The following TAF2 variants were observed in gnomAD, a reference collection of about 807,000 sequenced individuals.
TAF2 encodes transcription initiation factor TFIID subunit 2.
In TAF2, 61 loss-of-function variants were observed where a neutral mutation model predicts 138.5. The ratio of observed to expected loss-of-function variants is 0.44; its 90% CI spans 0.36 to 0.54. The LOEUF (loss-of-function observed/expected upper bound fraction) is 0.54. TAF2 is among the 20% of genes least tolerant of loss of function. The probability of loss-of-function intolerance (pLI) is 0.00; values close to 1 mark genes in which losing one functional copy is unlikely to be tolerated. For synonymous variants in TAF2, 475 were observed against 469.9 expected (o/e 1.01, Z -0.14); for missense variants, 1,090 against 1,427.9 (o/e 0.76, Z 3.81).
chr8:119,781,096 T>C lies in TAF2; in HGVS notation c.2210A>G (p.Lys737Arg). 5 of 1,613,994 alleles carry C rather than the reference T, an allele frequency of 3.1e-6. No homozygotes were observed. In the South Asian group the frequency reaches 3.3e-5, roughly 11 times the overall value. ...FCCKSCPNIVKTNNFMSFQSY... is the reference protein window; with the variant it reads ...FCCKSCPNIVRTNNFMSFQSY... ...TTGAAAGCTCATAAAGTTGTTTGTT[T>C]TCACAATGTTTGGACAACTTTTACA... The change falls in exon 17 of 26, where the codon AAA (lysine) becomes AGA (arginine). Residue 737 changes from lysine (K) to arginine (R), a missense_variant. Transcript: ENST00000378164.
At chr8:119,825,282 G>C (rs576383267) in intron 2 of TAF2, among the ~76,000 whole-genome samples, 33 of 152,278 alleles carry the variant, frequency 2.2e-4, no homozygotes, top group African/African-American at 7.2e-4. Context: ...CCTTTGTTTT[G>C]GCTAATTTCT....
rs539672539 is a variant in TAF2, at chr8:119,756,081, G to A, written c.2803C>T (p.Pro935Ser). ...KILNMLTKNPPFTKNMESPLC... is the reference protein window; with the variant it reads ...KILNMLTKNPSFTKNMESPLC... ...GGAGACTCCATGTTCTTAGTAAATG[G>A]TGGGTTCTTAGTCAACATGTTGAGA... Residue 935 changes from proline (P) to serine (S), a missense_variant, in exon 22 of 26, where the codon CCA becomes TCA. By Grantham distance (74) the Pro-to-Ser change is moderately conservative. Around this residue, in one of 3 missense-constraint regions of TAF2, gnomAD observed 580 missense variants for 719.6 expected, o/e 0.81. Transcript: ENST00000378164. 5.0e-6 allele frequency: 8 copies of A among 1,613,582 alleles called. No homozygotes were observed. The African/African-American group carries it at 9.3e-5, about 19-fold the overall frequency.
intron 10 of TAF2, among the ~76,000 whole-genome samples, chr8:119,792,081 GGTGA>G (rs939970910): frequency 6.6e-6 from 1 of 151,488 alleles, no homozygotes; most frequent in African/African-American, 2.4e-5. Flanking sequence ...ATAATGCTAT[GGTGA>G]GTATCTTTTT....
At chr8:119,778,924 T>C (rs1303124153) in intron 17 of TAF2, among the ~76,000 whole-genome samples, 3 of 152,140 alleles carry the variant, frequency 2.0e-5, no homozygotes, top group South Asian at 2.1e-4. Flanking sequence ...CCCCTCTTCT[T>C]ACTCAAAATA....
At chr8:119,735,802 G>T (rs909361570) in intron 25 of TAF2, among the ~76,000 whole-genome samples, 1 of 152,164 alleles carries the variant, frequency 6.6e-6, no homozygotes, top group Non-Finnish European at 1.5e-5. Flanking sequence ...TAAATTGCTT[G>T]AATATGTTCC....
intron 18 of TAF2, among the ~76,000 whole-genome samples, chr8:119,766,604 A>C (rs914379849): frequency 2.6e-5 from 4 of 152,152 alleles, no homozygotes; most frequent in Non-Finnish European, 5.9e-5. Context: ...AGCCTGGCCA[A>C]AACAGTGAAA....
intron 23 of TAF2, chr8:119,744,668 G>A (rs1436793057): frequency 1.5e-5 from 7 of 463,628 alleles, no homozygotes; most frequent in South Asian, 4.3e-5. Flanking sequence ...GTGGTGGAAC[G>A]TGCACACATA....
chr8:119,737,652 G>A (rs1262307891), intron 25 of TAF2, among the ~76,000 whole-genome samples: 6 of 151,864 alleles, frequency 4.0e-5, no homozygotes, highest in African/African-American at 9.7e-5. Flanking sequence ...AGGATTACAG[G>A]TGCGTACCAC....
intron 3 of TAF2, among the ~76,000 whole-genome samples, chr8:119,812,799 T>C (rs935847684): frequency 0.08 from 8 of 100 alleles, no homozygotes; most frequent in Non-Finnish European, 0.12. Flanking sequence ...TATACACACA[T>C]GTATACATAC....
chr8:119,790,353 T>A (rs1055392452), intron 11 of TAF2, among the ~76,000 whole-genome samples: 3 of 151,806 alleles, frequency 2.0e-5, no homozygotes, highest in African/African-American at 7.3e-5. Context: ...GATGAGAGGA[T>A]CCCTTGAGCC....
intron 3 of TAF2, 119 bp downstream of exon 3, chr8:119,819,227 T>A: frequency 9.8e-7 from 1 of 1,018,964 alleles, no homozygotes; most frequent in Non-Finnish European, 1.5e-6. Flanking sequence ...AGATAAAGAT[T>A]GGGATTCAAA....
chr8:119,801,958 C>G lies in TAF2; in HGVS notation c.628G>C (p.Ala210Pro). Residue 210 changes from alanine (A) to proline (P), a missense_variant, in exon 6 of 26, where the codon GCT (alanine) becomes CCT (proline). Around this residue, in one of 3 missense-constraint regions of TAF2, gnomAD observed 504 missense variants for 680.9 expected, o/e 0.74. Coordinates refer to ENST00000378164, the MANE Select transcript of TAF2 (RefSeq NM_003184.4). ...CCATTAGAAACAGCAACCATTGCAG[C>G]ATCTACTGTAAATTCTAATTTCCAT... ...CTWKLEFTVD[A>P]AMVAVSNGDL... The G allele has an allele frequency of 1.9e-6, 3 of 1,614,162 alleles. No homozygotes were observed. Among genetic ancestry groups the G allele is most frequent in the Non-Finnish European group, 2.5e-6 (3 of 1,180,030 alleles).
intron 2 of TAF2, among the ~76,000 whole-genome samples, chr8:119,825,054 G>A (rs1030928869): frequency 9.2e-5 from 14 of 152,230 alleles, no homozygotes; most frequent in African/African-American, 2.9e-4. Flanking sequence ...AACATGCACC[G>A]TGCACCTGGA....
At chr8:119,781,221 T>G (rs1275959007) in intron 16 of TAF2, 28 bp from the exon 17 acceptor site, 2 of 1,613,336 alleles carry the variant, frequency 1.2e-6, no homozygotes, top group Non-Finnish European at 1.7e-6. Context: ...ACAAAGTAAT[T>G]TCCATTACCA....
intron 2 of TAF2, among the ~76,000 whole-genome samples, chr8:119,831,251 C>G (rs2131279068): frequency 6.6e-6 from 1 of 152,232 alleles, no homozygotes; most frequent in Non-Finnish European, 1.5e-5. Flanking sequence ...TCTAAAACTT[C>G]ATTACAAAGC....
At chr8:119,764,652 C>A (rs1330118599) in intron 18 of TAF2, among the ~76,000 whole-genome samples, 2 of 152,192 alleles carry the variant, frequency 1.3e-5, no homozygotes, top group South Asian at 2.1e-4. Context: ...TTGACAAACA[C>A]CTTCAACCAC....
chr8:119,823,011 A>G (rs1825884068), intron 2 of TAF2, among the ~76,000 whole-genome samples: 1 of 152,032 alleles, frequency 6.6e-6, no homozygotes, highest in Admixed American at 6.6e-5. Flanking sequence ...GATATATCCA[A>G]TGGTCCTTTA....
rs145102351 is a variant in TAF2, at chr8:119,769,401, G to A, written c.2365-6793C>T. Among the ~76,000 whole-genome samples, 41 of 152,206 alleles carry A rather than the reference G, an allele frequency of 2.7e-4. 1 individual carries two copies. In the South Asian group the frequency reaches 7.7e-3, roughly 29 times the overall value. On this transcript the variant is annotated intron_variant, in intron 18 of 25. Transcript: ENST00000378164. ...GGAATGAGCACAACTCCAGCAACAC[G>A]AAGAAAGAGAATACTGTGACACACA... is the stretch of plus-strand genomic sequence containing the variant.
At chr8:119,776,272 G>T (rs929498683) in intron 18 of TAF2, among the ~76,000 whole-genome samples, 2 of 150,404 alleles carry the variant, frequency 1.3e-5, no homozygotes, top group African/African-American at 4.9e-5. Context: ...TAAATTATTT[G>T]AATGTTAAAC....
Sources: gnomAD v4.1 joint callset for allele counts (sites outside exome capture counted in the v4.1 genomes callset) on GRCh38, gnomAD v4.1.1 for gene constraint, gnomAD v4.1.1 regional missense constraint, MANE v1.5 for transcripts, NCBI Gene and HGNC (gene_info 2026-07-23, HGNC 2026-07-21) for gene names.